LIN28B: variants seen among roughly 807,000 people sequenced by gnomAD.
The protein encoded by LIN28B is lin-28 RNA binding posttranscriptional regulator B.
LIN28B carries 5 observed loss-of-function variants against 21.9 expected under a neutral mutation model. The ratio of observed to expected loss-of-function variants is 0.23; its 90% CI spans 0.12 to 0.48. LIN28B has a LOEUF of 0.48. Among genes scored for constraint, LIN28B ranks in the 20% least tolerant of loss-of-function variants. The probability of loss-of-function intolerance (pLI) is 0.98; values close to 1 mark genes in which losing one functional copy is unlikely to be tolerated. For missense variants in LIN28B, 245 were observed against 310.5 expected (o/e 0.79, Z 1.58); for synonymous variants, 109 against 111.3 (o/e 0.98, Z 0.13).
At chr6:104,990,632 A>G (rs1770444510) in intron 2 of LIN28B, among the ~76,000 whole-genome samples, 2 of 150,968 alleles carry the variant, frequency 1.3e-5, no homozygotes, top group South Asian at 2.1e-4. Context: ...GCAGGGTCAT[A>G]GGACAATAGT....
chr6:104,965,271 T>TGTAA (rs2114580684), intron 2 of LIN28B, among the ~76,000 whole-genome samples: 1 of 152,344 alleles, frequency 6.6e-6, no homozygotes, highest in East Asian at 1.9e-4. Context: ...GGCTCATGCC[T>TGTAA]GTAATCCCAG....
chr6:105,014,609 A>C (rs1032152439), intron 2 of LIN28B, among the ~76,000 whole-genome samples: 1 of 152,162 alleles, frequency 6.6e-6, no homozygotes, highest in Non-Finnish European at 1.5e-5. Flanking sequence ...GGCGTGAGCC[A>C]CTGCACCTGG....
At chr6:105,071,531 C>A (rs1294522067) in intron 3 of LIN28B, among the ~76,000 whole-genome samples, 2 of 152,082 alleles carry the variant, frequency 1.3e-5, no homozygotes, top group African/African-American at 4.8e-5. Context: ...TTGTTAATAT[C>A]TTAGTACCTG....
At chr6:105,049,280 A>G (rs567600715) in intron 3 of LIN28B, among the ~76,000 whole-genome samples, 1 of 152,300 alleles carries the variant, frequency 6.6e-6, no homozygotes, top group South Asian at 2.1e-4. Context: ...GTTCAGGAGC[A>G]GGTTATTCAG....
chr6:105,007,194 G>T (rs1770834763), intron 2 of LIN28B, among the ~76,000 whole-genome samples: 1 of 152,112 alleles, frequency 6.6e-6, no homozygotes, highest in Non-Finnish European at 1.5e-5. Flanking sequence ...ACATTTGGGA[G>T]CTATTTTCCC....
In LIN28B at chr6:105,017,210, C is replaced by A. The variant is rs145030503; in HGVS notation, c.199-9088C>A. 1.8e-3 allele frequency among the ~76,000 whole-genome samples: 280 copies of A among 151,852 alleles called. 1 individual carries two copies. The highest frequency in any genetic ancestry group is 6.4e-3 in the African/African-American group (265 of 41,390). ...TATTTGCTTAAGAATATCATAAAGGCTTTGAAGATGAGGTAATGTTTAAAC... is the reference window on the plus strand; with the variant it reads ...TATTTGCTTAAGAATATCATAAAGGATTTGAAGATGAGGTAATGTTTAAAC... On this transcript the variant is annotated intron_variant, in intron 2 of 3. Transcript: ENST00000345080.
chr6:105,051,986 G>A (rs1207294445), intron 3 of LIN28B, among the ~76,000 whole-genome samples: 2 of 152,206 alleles, frequency 1.3e-5, no homozygotes, highest in East Asian at 3.8e-4. Flanking sequence ...TAGTTGGACT[G>A]TTTTAGATTA....
intron 2 of LIN28B, among the ~76,000 whole-genome samples, chr6:104,979,351 G>T (rs1770171798): frequency 1.3e-5 from 2 of 151,854 alleles, no homozygotes; most frequent in African/African-American, 4.8e-5. Context: ...CTGATTACAG[G>T]TGTGCGCCAC....
At chr6:105,074,298 C>T (rs1197149683) in intron 3 of LIN28B, among the ~76,000 whole-genome samples, 1 of 151,840 alleles carries the variant, frequency 6.6e-6, no homozygotes, top group Non-Finnish European at 1.5e-5. Flanking sequence ...CCTGGGTTCA[C>T]GCCATTCTCC....
chr6:104,950,552 G>A (rs1166737382), intron 3 of LIN28B: 1 of 1,079,012 alleles, frequency 9.3e-7, no homozygotes, highest in Non-Finnish European at 1.2e-6. Flanking sequence ...TTTAATTAAT[G>A]TTTTAAAAGA....
intron 2 of LIN28B, among the ~76,000 whole-genome samples, chr6:104,959,009 A>C (rs954406506): frequency 6.6e-6 from 1 of 152,174 alleles, no homozygotes; most frequent in Non-Finnish European, 1.5e-5. Flanking sequence ...CTGGTCTGCT[A>C]CTTGGGGTAA....
intron 2 of LIN28B, among the ~76,000 whole-genome samples, chr6:105,005,141 G>T (rs993112533): frequency 6.6e-6 from 1 of 152,088 alleles, no homozygotes; most frequent in African/African-American, 2.4e-5. Flanking sequence ...TCAAAGTATC[G>T]TTTTATTTAT....
chr6:104,938,974 A>G (rs1778047967), intron 2 of LIN28B, among the ~76,000 whole-genome samples: 1 of 152,174 alleles, frequency 6.6e-6, no homozygotes, highest in Admixed American at 6.5e-5. Flanking sequence ...AATTCTTCTC[A>G]GGACTTTAAA....
intron 2 of LIN28B, among the ~76,000 whole-genome samples, chr6:105,008,907 G>A (rs973632091): frequency 6.6e-6 from 1 of 152,130 alleles, no homozygotes; most frequent in African/African-American, 2.4e-5. Context: ...CACACATACA[G>A]TGACATTCAA....
chr6:105,004,151 A>G (rs549846842), intron 2 of LIN28B, among the ~76,000 whole-genome samples: 48 of 152,222 alleles, frequency 3.2e-4, no homozygotes, highest in Non-Finnish European at 6.8e-4. Context: ...TTCTGCCTGT[A>G]TTATATACTA....
At chr6:104,951,241 T>C (rs1328984594) in intron 3 of LIN28B, among the ~76,000 whole-genome samples, 2 of 152,154 alleles carry the variant, frequency 1.3e-5, no homozygotes, top group African/African-American at 4.8e-5. Context: ...AGCTGTGATA[T>C]TGCAAAGTAT....
chr6:104,989,634 C>T (rs1770420981), intron 2 of LIN28B, among the ~76,000 whole-genome samples: 1 of 129,632 alleles, frequency 7.7e-6, no homozygotes, highest in East Asian at 2.8e-4. Context: ...CACTGTGTCG[C>T]CCAGGCTAGA....
intron 3 of LIN28B, among the ~76,000 whole-genome samples, chr6:105,047,544 A>G (rs1167484018): frequency 2.0e-5 from 3 of 152,244 alleles, no homozygotes; most frequent in Non-Finnish European, 4.4e-5. Flanking sequence ...GTTTTTTCCA[A>G]TTCTGTGAAG....
chr6:104,991,084 C>T (rs894186103), intron 2 of LIN28B, among the ~76,000 whole-genome samples: 4 of 152,230 alleles, frequency 2.6e-5, no homozygotes, highest in Non-Finnish European at 5.9e-5. Flanking sequence ...GGTACACCTC[C>T]CAGACGGGGT....
Sources: allele counts gnomAD v4.1 joint callset (sites outside exome capture counted in the v4.1 genomes callset), GRCh38; gene constraint gnomAD v4.1.1; transcripts MANE v1.5; gene names NCBI Gene and HGNC (gene_info 2026-07-23, HGNC 2026-07-21).